Variants in DLG2 observed in about 807,000 individuals in gnomAD.
The protein encoded by DLG2 is disks large homolog 2.
A neutral mutation model predicts 132.5 loss-of-function variants in DLG2; 45 were observed. That is an observed-to-expected ratio of 0.34 (90% CI 0.27 to 0.44). The LOEUF (loss-of-function observed/expected upper bound fraction) is 0.44, where lower values mean the gene tolerates loss of function less well. DLG2 is among the 20% of genes least tolerant of loss of function. The pLI is 1.00. For missense variants in DLG2, 1,045 were observed against 1,196.9 expected, an observed-to-expected ratio of 0.87 and a Z score of 1.87; for synonymous variants, 424 against 419.6, an observed-to-expected ratio of 1.01 and a Z score of -0.13.
chr11:84,406,252 T>A (rs2098848800), intron 7 of DLG2, among the ~76,000 whole-genome samples: 1 of 152,174 alleles, frequency 6.6e-6, no homozygotes, highest in African/African-American at 2.4e-5. Flanking sequence ...TGTCTGCCCT[T>A]GCCCTGCCTA....
intron 9 of DLG2, among the ~76,000 whole-genome samples, chr11:84,119,572 T>C (rs2093805888): frequency 6.6e-6 from 1 of 151,996 alleles, no homozygotes; most frequent in African/African-American, 2.4e-5. Context: ...TTAATAGTCA[T>C]GGTGAGAATT....
At position 84,804,467 on chromosome 11, in the gene DLG2, T is replaced by C. The variant is rs1379823466; in HGVS notation, c.358-269736A>G. On this transcript the variant is annotated intron_variant, in intron 6 of 27. Coordinates refer to ENST00000376104, the MANE Select transcript of DLG2 (RefSeq NM_001142699.3). ...ACAAATAAAACCCCTGGGCATTATA[T>C]ATAAAACAAGCATGAGAATACTCTA... 5.9e-5 allele frequency among the ~76,000 whole-genome samples: 9 copies of C among 152,178 alleles called. 1 individual carries two copies. The highest frequency in any genetic ancestry group is 3.3e-4 in the Admixed American group (5 of 15,274).
intron 2 of DLG2, among the ~76,000 whole-genome samples, chr11:85,615,041 C>T (rs777788474): frequency 3.9e-5 from 6 of 152,186 alleles, no homozygotes; most frequent in Non-Finnish European, 8.8e-5. Context: ...GAATATACTT[C>T]AACTAACACC....
chr11:84,011,725 A>G (rs2094901662), intron 11 of DLG2, among the ~76,000 whole-genome samples: 1 of 152,104 alleles, frequency 6.6e-6, no homozygotes, highest in East Asian at 1.9e-4. Context: ...CCATTAAGAA[A>G]TGAAACAATG....
rs908532693 is a variant in DLG2, at chr11:83,814,120, G to T, written c.1722+19494C>A. Among the ~76,000 whole-genome samples the T allele has an allele frequency of 6.6e-5, 10 of 152,108 alleles. No homozygotes were observed. In the South Asian group the frequency reaches 8.3e-4, roughly 13 times the overall value. On this transcript the variant is annotated intron_variant, in intron 17 of 27. Transcript: ENST00000376104. ...AAAAAATATTAGAACGTATTTAAAA[G>T]AATCAGGATTTCTATAAAACAATAA...
chr11:83,802,497 T>C (rs796567691), intron 17 of DLG2, among the ~76,000 whole-genome samples: 9 of 152,284 alleles, frequency 5.9e-5, no homozygotes, highest in African/African-American at 2.2e-4. Flanking sequence ...ATGTTCTCCC[T>C]TTTGAAATCA....
At chr11:85,582,926 G>T in intron 3 of DLG2, among the ~76,000 whole-genome samples, 1 of 147,786 alleles carries the variant, frequency 6.8e-6, no homozygotes. Flanking sequence ...GATTCAATTT[G>T]CAAATATATA....
At position 84,182,448 on chromosome 11, in the gene DLG2, G is replaced by A. The variant is rs1040829165; in HGVS notation, c.574-18937C>T. Among the ~76,000 whole-genome samples the A allele has an allele frequency of 4.0e-5, 6 of 151,608 alleles. 1 individual carries two copies. In the South Asian group the frequency reaches 6.2e-4, roughly 16 times the overall value. ...TGAAAGGCTGACGCAGGAGGATCAC[G>A]TGCCCAGGAGGTTGAGGCTACAGTG... On this transcript the variant is annotated intron_variant, in intron 8 of 27. Transcript: ENST00000376104.
chr11:85,265,948 T>C (rs1159699531), intron 4 of DLG2, among the ~76,000 whole-genome samples: 2 of 152,198 alleles, frequency 1.3e-5, no homozygotes, highest in African/African-American at 4.8e-5. Context: ...TTTGACCACA[T>C]TACCTCATTC....
intron 5 of DLG2, 42 bp downstream of exon 5, chr11:85,154,514 C>T: frequency 1.0e-6 from 1 of 956,534 alleles, no homozygotes; most frequent in Non-Finnish European, 1.6e-6. Flanking sequence ...ACAAGTCTTA[C>T]CCATGAAGCC....
At position 84,572,048 on chromosome 11, in the gene DLG2, T is replaced by A. The variant is rs532235889; in HGVS notation, c.358-37317A>T. Among the ~76,000 whole-genome samples, 17 of 133,996 alleles carry A rather than the reference T, an allele frequency of 1.3e-4. No homozygotes were observed. In the South Asian group the frequency reaches 4.0e-3, roughly 31 times the overall value. The allele number at this position is 133,996 out of a possible 152,430, so 87.9% of individuals were successfully genotyped here. On this transcript the variant is annotated intron_variant, in intron 6 of 27. Coordinates refer to ENST00000376104, the MANE Select transcript of DLG2 (RefSeq NM_001142699.3). ...TCTGAGTCCTTAAGTGGATTCTAGA[T>A]TTTTTTTTTTTATTTTTGTAAATTT... is the stretch of plus-strand genomic sequence containing the variant.
chr11:84,770,747 G>A (rs917720250), intron 6 of DLG2, among the ~76,000 whole-genome samples: 5 of 150,650 alleles, frequency 3.3e-5, no homozygotes, highest in African/African-American at 7.3e-5. Flanking sequence ...ACGGGTTCAC[G>A]CCATTCTCCT....
chr11:83,745,557 G>A (rs897682194), intron 18 of DLG2, among the ~76,000 whole-genome samples: 11 of 152,004 alleles, frequency 7.2e-5, no homozygotes, highest in South Asian at 2.1e-4. Flanking sequence ...TAATCCCAGC[G>A]CTTTGAGAGG....
chr11:84,883,400 A>G (rs1240540056), intron 6 of DLG2, among the ~76,000 whole-genome samples: 1 of 152,084 alleles, frequency 6.6e-6, no homozygotes, highest in African/African-American at 2.4e-5. Flanking sequence ...TAGGTGCAGT[A>G]CACCACCATG....
intron 6 of DLG2, among the ~76,000 whole-genome samples, chr11:84,894,449 T>A (rs1308852703): frequency 6.6e-6 from 1 of 152,144 alleles, no homozygotes; most frequent in Non-Finnish European, 1.5e-5. Flanking sequence ...CTCCAAATTA[T>A]GGCGTGTAAT....
At chr11:85,071,384 G>T (rs2065841108) in intron 6 of DLG2, among the ~76,000 whole-genome samples, 1 of 151,778 alleles carries the variant, frequency 6.6e-6, no homozygotes. Context: ...AGCAGATTTG[G>T]CTGTGAATTA....
chr11:84,985,953 T>C (rs1469053559), intron 6 of DLG2, among the ~76,000 whole-genome samples: 3 of 120,096 alleles, frequency 2.5e-5, no homozygotes, highest in African/African-American at 3.3e-5. Context: ...GATTGCACCA[T>C]TGCACTCCAG....
intron 7 of DLG2, among the ~76,000 whole-genome samples, chr11:84,340,157 C>T (rs2154405801): frequency 6.6e-6 from 1 of 152,166 alleles, no homozygotes; most frequent in Admixed American, 6.5e-5. Flanking sequence ...CTAAAGAAGG[C>T]AATATTGAAG....
At chr11:84,157,403 C>T (rs1043175088) in intron 9 of DLG2, among the ~76,000 whole-genome samples, 1 of 152,168 alleles carries the variant, frequency 6.6e-6, no homozygotes, top group Non-Finnish European at 1.5e-5. Flanking sequence ...TACTCCCTAT[C>T]TGAGAGGCCG....
Sources: allele counts gnomAD v4.1 joint callset (sites outside exome capture counted in the v4.1 genomes callset), GRCh38; gene constraint gnomAD v4.1.1; transcripts MANE v1.5; gene names NCBI Gene and HGNC (gene_info 2026-07-23, HGNC 2026-07-21).